TMEM131L: variants seen among roughly 807,000 people sequenced by gnomAD.
TMEM131L encodes the protein transmembrane 131 like.
A neutral mutation model predicts 192.2 loss-of-function variants in TMEM131L; 54 were observed. That is an observed-to-expected ratio of 0.28 (90% CI 0.23 to 0.35). The LOEUF is 0.35. Among genes scored for constraint, TMEM131L ranks in the 10% least tolerant of loss-of-function variants. TMEM131L has a pLI of 1.00. For synonymous variants in TMEM131L, 701 were observed against 704.9 expected (o/e 0.99, Z 0.09); for missense variants, 1,888 against 1,972.9 (o/e 0.96, Z 0.82).
At chr4:153,470,029 C>CT (rs1003727736) in intron 2 of TMEM131L, among the ~76,000 whole-genome samples, 2,989 of 142,842 alleles carry the variant, frequency 0.021, 53 homozygotes, top group South Asian at 0.073. Context: ...TTGATTAAGT[C>CT]TTTTTTTTTT....
chr4:153,515,694 C>T (rs1734681799), intron 3 of TMEM131L, among the ~76,000 whole-genome samples: 1 of 152,194 alleles, frequency 6.6e-6, no homozygotes, highest in Non-Finnish European at 1.5e-5. Flanking sequence ...ACTTTTCATA[C>T]ATGACTTTTC....
At chr4:153,606,424 C>A (rs1277943777) in intron 25 of TMEM131L, among the ~76,000 whole-genome samples, 1 of 152,134 alleles carries the variant, frequency 6.6e-6, no homozygotes, top group African/African-American at 2.4e-5. Context: ...GAGGGACCTT[C>A]TATATCTTAA....
At chr4:153,567,062 C>G (rs1280870842) in intron 7 of TMEM131L, among the ~76,000 whole-genome samples, 1 of 152,204 alleles carries the variant, frequency 6.6e-6, no homozygotes, top group African/African-American at 2.4e-5. Flanking sequence ...TTCTAAGGTG[C>G]TGATCCCTGT....
intron 26 of TMEM131L, among the ~76,000 whole-genome samples, chr4:153,619,712 A>G (rs1305053831): frequency 6.6e-6 from 1 of 152,208 alleles, no homozygotes; most frequent in Non-Finnish European, 1.5e-5. Context: ...TCTCCTTCCA[A>G]GTTATTCGTG....
chr4:153,498,360 G>A (rs1733342641), intron 3 of TMEM131L, among the ~76,000 whole-genome samples: 1 of 152,160 alleles, frequency 6.6e-6, no homozygotes, highest in African/African-American at 2.4e-5. Flanking sequence ...AGCCAAGGAG[G>A]GCTGAGGCCA....
At chr4:153,540,828 G>A (rs1191503194) in intron 3 of TMEM131L, among the ~76,000 whole-genome samples, 1 of 152,142 alleles carries the variant, frequency 6.6e-6, no homozygotes, top group Non-Finnish European at 1.5e-5. Flanking sequence ...AGCTTGCATT[G>A]TCCACCCATG....
chr4:153,532,474 C>G (rs998399236), intron 3 of TMEM131L, among the ~76,000 whole-genome samples: 5 of 150,968 alleles, frequency 3.3e-5, no homozygotes. Context: ...TATTGAGATA[C>G]AATTCACATG....
At chr4:153,506,987 G>A (rs1734037321) in intron 3 of TMEM131L, among the ~76,000 whole-genome samples, 1 of 152,134 alleles carries the variant, frequency 6.6e-6, no homozygotes, top group Non-Finnish European at 1.5e-5. Flanking sequence ...AAGGTGGTTT[G>A]CTGGCACAGT....
intron 7 of TMEM131L, among the ~76,000 whole-genome samples, chr4:153,575,598 A>G (rs1266293627): frequency 6.6e-6 from 1 of 152,048 alleles, no homozygotes; most frequent in Non-Finnish European, 1.5e-5. Context: ...AATTTCCCCC[A>G]TCTTCTAAAA....
chr4:153,480,894 C>T (rs193121202), intron 3 of TMEM131L, among the ~76,000 whole-genome samples: 1 of 152,256 alleles, frequency 6.6e-6, no homozygotes. Context: ...CCTGCCGTCA[C>T]GAGGTGTGGT....
intron 3 of TMEM131L, among the ~76,000 whole-genome samples, chr4:153,491,409 G>C (rs1202637721): frequency 2.0e-5 from 3 of 152,106 alleles, no homozygotes; most frequent in South Asian, 4.1e-4. Context: ...ACGGTAATTA[G>C]AGGTGTCAGT....
rs1483529791 is a variant in TMEM131L at position 153,620,831 on chromosome 4, A to G, written c.3643A>G (p.Ser1215Gly). The G allele has an allele frequency of 2.5e-6, 4 of 1,601,658 alleles. No homozygotes were observed. Among genetic ancestry groups the G allele is most frequent in the African/African-American group, 1.3e-5 (1 of 74,194 alleles). Residue 1215 changes from serine to glycine, a missense_variant, in exon 27 of 35, where the codon AGT (serine) becomes GGT (glycine). Physicochemically the swap from Ser to Gly is moderately conservative, Grantham distance 56. Transcript: ENST00000409959. Reference protein sequence around the residue: ...GNLQNLNWSKSRTCRKNKKRG... With the variant: ...GNLQNLNWSKGRTCRKNKKRG... Reference sequence around the variant, plus strand: ...TTTACAAAATTTAAATTGGAGTAAAAGTCGAACATGTAGAAAGAACAAGAA... The same window carrying G: ...TTTACAAAATTTAAATTGGAGTAAAGGTCGAACATGTAGAAAGAACAAGAA...
chr4:153,488,942 C>T (rs1440456256), intron 3 of TMEM131L, among the ~76,000 whole-genome samples: 3 of 152,156 alleles, frequency 2.0e-5, no homozygotes, highest in South Asian at 2.1e-4. Context: ...CGTGCTTTCA[C>T]GTGGCTGTCG....
chr4:153,490,628 G>C (rs1463122239), intron 3 of TMEM131L, among the ~76,000 whole-genome samples: 1 of 152,084 alleles, frequency 6.6e-6, no homozygotes, highest in Non-Finnish European at 1.5e-5. Flanking sequence ...TGAAAGTTAT[G>C]TTGCTCCTTG....
In TMEM131L at chr4:153,580,701, G is replaced by A. The variant is rs533216475; in HGVS notation, c.661-125G>A. The A allele has an allele frequency of 5.9e-5, 36 of 606,920 alleles. No individual in the cohort carries two copies. In the South Asian group the frequency reaches 6.3e-4, roughly 11 times the overall value. 37.6% of individuals were successfully genotyped at this position (606,920 alleles called of 1,614,324 possible). A position where few individuals can be genotyped will look rare whatever the true frequency, so the allele number is the denominator to read the frequency against. On this transcript the variant is annotated intron_variant, in intron 7 of 34. Transcript: ENST00000409959. ...AAAGAATAATGCCCAGCATTTAGCA[G>A]ATACTCAGATATTTATTGAATAAAT...
intron 7 of TMEM131L, among the ~76,000 whole-genome samples, chr4:153,571,829 A>G (rs1006624643): frequency 5.9e-5 from 9 of 152,114 alleles, no homozygotes; most frequent in East Asian, 5.8e-4. Flanking sequence ...CCAAAGTGCT[A>G]GGATGACAGG....
chr4:153,487,948 AAG>A (rs1290828644), intron 3 of TMEM131L, among the ~76,000 whole-genome samples: 3 of 149,950 alleles, frequency 2.0e-5, no homozygotes, highest in Non-Finnish European at 4.4e-5. Flanking sequence ...GACAGGGACA[AAG>A]AGAGAGACCT....
chr4:153,526,233 G>A (rs373352989), intron 3 of TMEM131L, among the ~76,000 whole-genome samples: 5 of 152,146 alleles, frequency 3.3e-5, no homozygotes, highest in African/African-American at 7.2e-5. Flanking sequence ...AGTAGCAAGG[G>A]CATAAAGTTT....
intron 12 of TMEM131L, among the ~76,000 whole-genome samples, chr4:153,585,243 G>A (rs1368479565): frequency 6.6e-6 from 1 of 152,244 alleles, no homozygotes; most frequent in East Asian, 1.9e-4. Context: ...TCTGTGAGCT[G>A]TGCTGGCCGC....
Sources: gnomAD v4.1 joint callset for allele counts (sites outside exome capture counted in the v4.1 genomes callset) on GRCh38, gnomAD v4.1.1 for gene constraint, MANE v1.5 for transcripts, NCBI Gene and HGNC (gene_info 2026-07-23, HGNC 2026-07-21) for gene names.